SLC4A7: variants seen among roughly 807,000 people sequenced by gnomAD.
SLC4A7 encodes solute carrier family 4 member 7.
SLC4A7 carries 51 observed loss-of-function variants against 137.6 expected under a neutral mutation model. The observed-to-expected ratio is 0.37, with a 90% CI of 0.30 to 0.47. The LOEUF (loss-of-function observed/expected upper bound fraction) is 0.47. Among genes scored for constraint, SLC4A7 ranks in the 20% least tolerant of loss-of-function variants. The pLI, the probability that SLC4A7 is intolerant of heterozygous loss-of-function variation, is 1.00. For missense variants in SLC4A7, 1,247 were observed against 1,525.4 expected, an observed-to-expected ratio of 0.82 and a Z score of 3.04; for synonymous variants, 542 against 518.6, an observed-to-expected ratio of 1.05 and a Z score of -0.61.
At position 27,376,791 on chromosome 3, in the gene SLC4A7, T is replaced by C. The variant is rs2049931351; in HGVS notation, c.3753A>G (p.Lys1251=). 1.3e-6 allele frequency: 2 copies of C among 1,599,940 alleles called. No homozygotes were observed. The highest frequency in any genetic ancestry group is 1.7e-6 in the Non-Finnish European group (2 of 1,170,940). ...KISFEDEPRK[K]YVDAETSL The stretch of plus-strand genomic sequence containing the variant: ...ATAATGAAGTTTCAGCATCCACGTA[T>C]TTCTTTCTTGGTTCATCTTCAAAAC... The change falls in exon 26 of 26, where the codon AAA becomes AAG. Residue 1251 remains lysine, a synonymous_variant. Coordinates refer to ENST00000454389, the MANE Select transcript of SLC4A7 (RefSeq NM_001321103.2).
intron 3 of SLC4A7, among the ~76,000 whole-genome samples, chr3:27,441,958 C>T (rs919061044): frequency 1.3e-5 from 2 of 151,690 alleles, no homozygotes; most frequent in Admixed American, 6.6e-5. Context: ...TGCAGTGACA[C>T]GATCTCGGCT....
rs942590019 is a variant in SLC4A7 at position 27,384,904 on chromosome 3, G to A, written c.3492+988C>T. On this transcript the variant is annotated intron_variant, in intron 23 of 25. Coordinates refer to ENST00000454389, the MANE Select transcript of SLC4A7 (RefSeq NM_001321103.2). The stretch of plus-strand genomic sequence containing the variant: ...TGCAGTGAGCCGAGATCATGCCACT[G>A]CACTCCAGCCTGGGCCACAGAGCAA... Among the ~76,000 whole-genome samples the A allele has an allele frequency of 8.3e-4, 126 of 152,112 alleles. 1 individual carries two copies. The highest frequency in any genetic ancestry group is 2.4e-4 in the Non-Finnish European group (16 of 67,998).
chr3:27,402,702 A>C (rs912820867), intron 15 of SLC4A7, among the ~76,000 whole-genome samples: 2 of 151,262 alleles, frequency 1.3e-5, no homozygotes, highest in African/African-American at 2.4e-5. Flanking sequence ...CCGTCTCCAA[A>C]AAAAAAAAAT....
chr3:27,434,395 A>C, intron 5 of SLC4A7, among the ~76,000 whole-genome samples: 1 of 152,208 alleles, frequency 6.6e-6, no homozygotes, highest in East Asian at 1.9e-4. Context: ...AAATTCTATT[A>C]AGCTGAATAT....
intron 13 of SLC4A7, among the ~76,000 whole-genome samples, chr3:27,407,405 G>A (rs764339651): frequency 5.3e-5 from 8 of 151,018 alleles, no homozygotes; most frequent in Non-Finnish European, 1.0e-4. Context: ...GCTTGAACCC[G>A]AGAAGCGGAG....
chr3:27,386,002 G>C lies in SLC4A7; in HGVS notation c.3382C>G (p.Arg1128Gly). ...GTGAAACACAGGTCCATGAGTTTGCGCACAAACACTAATGCAAGAACCTTT... is the reference window on the plus strand; with the variant it reads ...GTGAAACACAGGTCCATGAGTTTGCCCACAAACACTAATGCAAGAACCTTT... ...PMMVLALVFV[R>G]KLMDLCFTKR... The change falls in exon 23 of 26, where the codon CGC becomes GGC. Residue 1128 changes from arginine to glycine, a missense_variant. By Grantham distance (125) the Arg-to-Gly change is moderately radical (BLOSUM62 -2). Around this residue, in one of 6 missense-constraint regions of SLC4A7, gnomAD observed 290 missense variants for 323.8 expected, o/e 0.90. Transcript: ENST00000454389. 2 of 1,606,092 alleles carry C rather than the reference G, an allele frequency of 1.2e-6. No individual in the cohort carries two copies. The highest frequency in any genetic ancestry group is 1.7e-6 in the Non-Finnish European group (2 of 1,176,828).
chr3:27,424,140 G>A lies in SLC4A7; in HGVS notation c.1163C>T (p.Ser388Phe). 2 of 1,589,262 alleles carry A rather than the reference G, an allele frequency of 1.3e-6. No individual in the cohort carries two copies. Among genetic ancestry groups the A allele is most frequent in the Non-Finnish European group, 1.7e-6 (2 of 1,163,360 alleles). ...CAAGTTTCCAGGAGCAGACTGGGGA[G>A]AGGCCAAAATACCTATGTTTAAAGA... ...NVDLTPGILA[S>F]PQSAPGNLDN... Residue 388 changes from serine to phenylalanine, a missense_variant, in exon 8 of 26, where the codon TCT becomes TTT. Around this residue, in one of 6 missense-constraint regions of SLC4A7, gnomAD observed 499 missense variants for 664.2 expected, o/e 0.75. Coordinates refer to ENST00000454389, the MANE Select transcript of SLC4A7 (RefSeq NM_001321103.2).
chr3:27,385,743 A>T (rs575011827), intron 23 of SLC4A7, 149 bp downstream of exon 23: 145 of 516,458 alleles, frequency 2.8e-4, no homozygotes, highest in African/African-American at 2.3e-3. Flanking sequence ...TATAAAATGG[A>T]GATAACAGCA....
At chr3:27,461,974 GA>G (rs2058726039) in intron 1 of SLC4A7, among the ~76,000 whole-genome samples, 3 of 151,858 alleles carry the variant, frequency 2.0e-5, no homozygotes, top group Admixed American at 2.0e-4. Flanking sequence ...AAAAGATGAT[GA>G]ACCAAGTAAT....
chr3:27,376,949 C>A, intron 25 of SLC4A7, 104 bp from the exon 26 acceptor site: 1 of 431,700 alleles, frequency 2.3e-6, no homozygotes. Context: ...TTACTATTAA[C>A]ACTACAAACT....
chr3:27,436,644 A>G lies in SLC4A7; in HGVS notation c.429-96T>C, dbSNP rs1457898612. ...GAAACATTTGTTCTTTAAAGAAAAAAAAAAAAGAAATAAAGAAAACCACGA... is the reference window on the plus strand; with the variant it reads ...GAAACATTTGTTCTTTAAAGAAAAAGAAAAAAGAAATAAAGAAAACCACGA... On this transcript the variant is annotated intron_variant, in intron 4 of 25. Transcript: ENST00000454389. The G allele has an allele frequency of 5.0e-6, 4 of 805,804 alleles. No individual in the cohort carries two copies. In the African/African-American group the frequency reaches 5.3e-5, roughly 11 times the overall value. The allele number at this position is 805,804 out of a possible 1,614,324, so 49.9% of individuals were successfully genotyped here.
intron 5 of SLC4A7, among the ~76,000 whole-genome samples, chr3:27,435,515 A>T (rs1467960050): frequency 1.3e-5 from 2 of 152,132 alleles, no homozygotes; most frequent in Non-Finnish European, 2.9e-5. Flanking sequence ...CTTAAAAACC[A>T]TCAAGACCAC....
At chr3:27,433,462 G>C (rs1414959193) in intron 6 of SLC4A7, among the ~76,000 whole-genome samples, 1 of 152,116 alleles carries the variant, frequency 6.6e-6, no homozygotes, top group African/African-American at 2.4e-5. Context: ...AGAGTAGAAA[G>C]GTGGAATATG....
chr3:27,452,187 A>T (rs950244666), intron 2 of SLC4A7, among the ~76,000 whole-genome samples: 7 of 152,134 alleles, frequency 4.6e-5, no homozygotes, highest in Admixed American at 4.6e-4. Context: ...GTGTCCTTTC[A>T]GTTTTCCAAG....
intron 18 of SLC4A7, 45 bp downstream of exon 18, chr3:27,397,639 T>A (rs1390571754): frequency 3.4e-6 from 3 of 879,570 alleles, no homozygotes; most frequent in Non-Finnish European, 5.7e-6. Context: ...TTTAAAGTAG[T>A]GTGGTATTCC....
chr3:27,400,639 A>G (rs543551975), intron 16 of SLC4A7, 125 bp downstream of exon 16: 1 of 613,638 alleles, frequency 1.6e-6, no homozygotes, highest in South Asian at 2.1e-5. Flanking sequence ...TGGTCAAAAT[A>G]ACACTACATT....
intron 3 of SLC4A7, among the ~76,000 whole-genome samples, chr3:27,446,940 G>T (rs1394637309): frequency 1.4e-5 from 2 of 140,604 alleles, no homozygotes; most frequent in African/African-American, 5.2e-5. Context: ...CTAGAGTGCA[G>T]TGGCACAATC....
In SLC4A7 at chr3:27,415,464, C is replaced by CATT. The variant is rs527741005; in HGVS notation, c.1659+3019_1659+3021dup. ...CAAAACAGTTAGCTAACCCTTCCTG[C>CATT]ATTAAATCCTGGTGCTCACTAATCT... On this transcript the variant is annotated intron_variant, in intron 11 of 25. Transcript: ENST00000454389. 6.6e-5 allele frequency among the ~76,000 whole-genome samples: 10 copies of CATT among 152,324 alleles called. No homozygotes were observed. The East Asian group carries it at 1.9e-3, about 29-fold the overall frequency.
chr3:27,375,212 A>T lies in SLC4A7; in HGVS notation c.*1552T>A, dbSNP rs369703275. The T allele has an allele frequency of 5.9e-5, 9 of 152,150 alleles. No homozygotes were observed. Among genetic ancestry groups the T allele is most frequent in the Middle Eastern group, 6.8e-3 (2 of 294 alleles). 9.4% of individuals were successfully genotyped at this position (152,150 alleles called of 1,614,324 possible). A position where few individuals can be genotyped will look rare whatever the true frequency, so the allele number is the denominator to read the frequency against. On this transcript the variant is annotated 3_prime_UTR_variant, in exon 26 of 26. Coordinates refer to ENST00000454389, the MANE Select transcript of SLC4A7 (RefSeq NM_001321103.2). ...TTCCTCATGATCCTTTATTAGATTAATTATGTATACCTTTGTAATTTAATT... is the reference window on the plus strand; with the variant it reads ...TTCCTCATGATCCTTTATTAGATTATTTATGTATACCTTTGTAATTTAATT...
Sources: allele counts gnomAD v4.1 joint callset (sites outside exome capture counted in the v4.1 genomes callset), GRCh38; gene constraint gnomAD v4.1.1; regional missense constraint gnomAD v4.1.1; transcripts MANE v1.5; gene names NCBI Gene and HGNC (gene_info 2026-07-23, HGNC 2026-07-21).